RPTOR: variants seen among roughly 807,000 people sequenced by gnomAD.
The protein encoded by RPTOR is regulatory associated protein of MTOR complex 1.
In RPTOR, 21 loss-of-function variants were observed where a neutral mutation model predicts 169.9. That is an observed-to-expected ratio of 0.12 (90% CI 0.09 to 0.18). The LOEUF (loss-of-function observed/expected upper bound fraction) is 0.18. Ranked by LOEUF, RPTOR falls within the 10% of genes least tolerant of loss-of-function variation. The pLI is 1.00. For missense variants in RPTOR, 1,133 were observed against 1,855.9 expected, an observed-to-expected ratio of 0.61 and a Z score of 7.16; for synonymous variants, 732 against 753.2, an observed-to-expected ratio of 0.97 and a Z score of 0.46.
intron 6 of RPTOR, among the ~76,000 whole-genome samples, chr17:80,789,790 T>TTTCCTGCC (rs2067029063): frequency 6.6e-6 from 1 of 152,244 alleles, no homozygotes; most frequent in Non-Finnish European, 1.5e-5. Context: ...GGCCCTTCCA[T>TTTCCTGCC]TTCCTGCCTT....
chr17:80,694,148 G>A (rs2066016328), intron 3 of RPTOR, among the ~76,000 whole-genome samples: 1 of 152,262 alleles, frequency 6.6e-6, no homozygotes, highest in Middle Eastern at 3.2e-3. Flanking sequence ...GTTTGCCACT[G>A]CTGCAGCCTC....
intron 20 of RPTOR, among the ~76,000 whole-genome samples, chr17:80,903,580 C>T (rs777227485): frequency 8.7e-4 from 132 of 152,342 alleles, no homozygotes; most frequent in African/African-American, 3.1e-3. Context: ...GACGGGGTTT[C>T]GCTGTGTTGC....
intron 2 of RPTOR, among the ~76,000 whole-genome samples, chr17:80,626,725 T>A (rs924369882): frequency 6.6e-6 from 1 of 151,090 alleles, no homozygotes; most frequent in Non-Finnish European, 1.5e-5. Context: ...ACTGTTTTTT[T>A]TTTTTTTTTA....
chr17:80,791,536 G>C, intron 7 of RPTOR, 27 bp downstream of exon 7: 1 of 1,606,192 alleles, frequency 6.2e-7, no homozygotes, highest in Non-Finnish European at 8.5e-7. Context: ...AGCTCTTGTG[G>C]CTCTCTGGAT....
intron 7 of RPTOR, among the ~76,000 whole-genome samples, chr17:80,816,176 C>T (rs1471532468): frequency 6.6e-6 from 1 of 152,218 alleles, no homozygotes; most frequent in African/African-American, 2.4e-5. Flanking sequence ...TGTTTGGGGG[C>T]CCAGCTGTGT....
intron 6 of RPTOR, among the ~76,000 whole-genome samples, chr17:80,789,283 T>C (rs1307937897): frequency 6.6e-6 from 1 of 152,230 alleles, no homozygotes; most frequent in Non-Finnish European, 1.5e-5. Context: ...GATTCTGTTA[T>C]TTTCTTTTGG....
chr17:80,910,047 C>T (rs1307520319), intron 21 of RPTOR, among the ~76,000 whole-genome samples: 1 of 152,178 alleles, frequency 6.6e-6, no homozygotes, highest in Non-Finnish European at 1.5e-5. Flanking sequence ...TCACTCTACC[C>T]TTGAGCAGAT....
chr17:80,786,477 T>C (rs1162886494), intron 6 of RPTOR, among the ~76,000 whole-genome samples: 4 of 152,184 alleles, frequency 2.6e-5, no homozygotes, highest in Admixed American at 2.6e-4. Flanking sequence ...TCTAGGCAAA[T>C]TGAATACAAC....
chr17:80,784,496 A>G (rs1379671484), intron 6 of RPTOR, among the ~76,000 whole-genome samples: 1 of 151,830 alleles, frequency 6.6e-6, no homozygotes, highest in African/African-American at 2.4e-5. Context: ...GGTTCAAGCA[A>G]TTCTCCTGCC....
rs9899366 is a variant in RPTOR at position 80,853,879 on chromosome 17, G to A, written c.1315-1585G>A. On this transcript the variant is annotated intron_variant, in intron 11 of 33. Transcript: ENST00000306801. The stretch of plus-strand genomic sequence containing the variant: ...GCTTGTAGTCTTAACTACTCAGGAG[G>A]CTGAGGCAGGAGAATGGCATGAACC... 7.7e-3 allele frequency among the ~76,000 whole-genome samples: 1,166 copies of A among 152,142 alleles called. 20 individuals carry two copies. The highest frequency in any genetic ancestry group is 0.027 in the African/African-American group (1,118 of 41,472).
At chr17:80,637,099 G>A (rs1442663766) in intron 2 of RPTOR, among the ~76,000 whole-genome samples, 2 of 152,208 alleles carry the variant, frequency 1.3e-5, no homozygotes, top group African/African-American at 2.4e-5. Flanking sequence ...GGCAGGGTGG[G>A]GTGGAGCGGA....
chr17:80,645,073 A>G (rs896478938), intron 3 of RPTOR, among the ~76,000 whole-genome samples: 1 of 152,340 alleles, frequency 6.6e-6, no homozygotes, highest in South Asian at 2.1e-4. Flanking sequence ...TGGGGATGGC[A>G]TGAGGACTGG....
At chr17:80,691,192 A>G (rs1236636609) in intron 3 of RPTOR, among the ~76,000 whole-genome samples, 1 of 152,208 alleles carries the variant, frequency 6.6e-6, no homozygotes, top group Non-Finnish European at 1.5e-5. Context: ...GCCAGCATCA[A>G]TACTTACTTT....
chr17:80,947,365 G>T lies in RPTOR; in HGVS notation c.3265+14G>T, dbSNP rs140584819. On this transcript the variant is annotated intron_variant, in intron 27 of 33. Coordinates refer to ENST00000306801, the MANE Select transcript of RPTOR (RefSeq NM_020761.3). This position sits in a 1 kb window ranked among gnomAD's most constrained non-coding sequence, Gnocchi z 4.4. ...TGACGGCCACAGGTGAGCGGGGTTT[G>T]CACAGCCAGGATTGGAAGCCAGGGT... 2,032 of 1,540,832 alleles carry T rather than the reference G, an allele frequency of 1.3e-3. 20 individuals carry two copies. Among genetic ancestry groups the T allele is most frequent in the South Asian group, 6.5e-3 (522 of 80,434 alleles).
intron 1 of RPTOR, among the ~76,000 whole-genome samples, chr17:80,558,611 C>G (rs570697391): frequency 6.6e-6 from 1 of 152,304 alleles, no homozygotes; most frequent in East Asian, 1.9e-4. Context: ...TACTGTCACC[C>G]TCCATTTACA....
chr17:80,586,885 T>C (rs1322937413), intron 1 of RPTOR, among the ~76,000 whole-genome samples: 1 of 152,258 alleles, frequency 6.6e-6, no homozygotes, highest in East Asian at 1.9e-4. Context: ...TTCCTGTTCC[T>C]TGGACTGGAT....
intron 13 of RPTOR, 89 bp from the exon 14 acceptor site, chr17:80,880,326 C>G (rs1200701856): frequency 9.1e-7 from 1 of 1,095,516 alleles, no homozygotes; most frequent in Non-Finnish European, 1.4e-6. Context: ...TAAGAAGTCC[C>G]TGCCCTTATT....
In RPTOR at chr17:80,875,722, G is replaced by A. The variant is rs182260685; in HGVS notation, c.1510-4693G>A. ...TGTGTCGCCTGCCGGGTCTTCCACC[G>A]AGCCCGTGCCACGCAGGGTGTGTGT... On this transcript the variant is annotated intron_variant, in intron 13 of 33. Coordinates refer to ENST00000306801, the MANE Select transcript of RPTOR (RefSeq NM_020761.3). Among the ~76,000 whole-genome samples the A allele has an allele frequency of 5.2e-3, 755 of 144,736 alleles. 5 individuals are homozygous for A. The highest frequency in any genetic ancestry group is 0.019 in the African/African-American group (726 of 38,362). The allele number at this position is 144,736 out of a possible 152,430, so 95.0% of individuals were successfully genotyped here.
chr17:80,602,872 C>T (rs2065200764), intron 1 of RPTOR: 4 of 495,178 alleles, frequency 8.1e-6, no homozygotes, highest in Admixed American at 6.2e-5. Context: ...GTCACCACCT[C>T]GCTGATTGCA....
Sources: allele counts gnomAD v4.1 joint callset (sites outside exome capture counted in the v4.1 genomes callset), GRCh38; gene constraint gnomAD v4.1.1; non-coding constraint Gnocchi (gnomAD v3.1); transcripts MANE v1.5; gene names NCBI Gene and HGNC (gene_info 2026-07-23, HGNC 2026-07-21).